The following GBP7 variants were observed in gnomAD, a reference collection of about 807,000 sequenced individuals.
GBP7 encodes the protein guanylate-binding protein 7.
Under a neutral mutation model 61.3 loss-of-function variants are expected in GBP7, and 43 were observed. The observed-to-expected ratio is 0.70, with a 90% CI of 0.55 to 0.91. The LOEUF (loss-of-function observed/expected upper bound fraction) is 0.91, where lower values mean the gene tolerates loss of function less well. Among genes scored for constraint, GBP7 ranks in the 40% least tolerant of loss-of-function variants. GBP7 has a pLI of 0.00. For missense variants in GBP7, 717 were observed against 740.5 expected, an observed-to-expected ratio of 0.97 and a Z score of 0.37; for synonymous variants, 267 against 271.0, an observed-to-expected ratio of 0.99 and a Z score of 0.14.
intron 9 of GBP7, among the ~76,000 whole-genome samples, chr1:89,137,339 A>G (rs1681829682): frequency 6.6e-6 from 1 of 152,198 alleles, no homozygotes; most frequent in Admixed American, 6.5e-5. Flanking sequence ...AAAACCTGGC[A>G]GAGACACAAC....
At chr1:89,156,640 TCAA>T (rs1682321983) in intron 3 of GBP7, among the ~76,000 whole-genome samples, 1 of 152,112 alleles carries the variant, frequency 6.6e-6, no homozygotes, top group African/African-American at 2.4e-5. Context: ...AGGGATCAAT[TCAA>T]CAACAAGAGC....
At chr1:89,165,419 G>A (rs1647396964) in intron 2 of GBP7, among the ~76,000 whole-genome samples, 2 of 151,038 alleles carry the variant, frequency 1.3e-5, no homozygotes, top group South Asian at 4.2e-4. Context: ...GGAGTCGCTT[G>A]AAACCAGGAG....
rs1681952150 is a variant in GBP7, at chr1:89,141,619, C to T, written c.1395G>A (p.Gln465=). ...KADEVLQSFL[Q]SQVVIEESIL... ...TGGATTCCTCTATAACCACCTGTGA[C>T]TGCAGGAAGCTCTGGAGGACCTCGT... The change falls in exon 9 of 11, where the codon CAG becomes CAA. Residue 465 remains glutamine (Q), a synonymous_variant. Coordinates refer to ENST00000294671, the MANE Select transcript of GBP7 (RefSeq NM_207398.3). 2 of 1,613,724 alleles carry T rather than the reference C, an allele frequency of 1.2e-6. No homozygotes were observed. Among genetic ancestry groups the T allele is most frequent in the Non-Finnish European group, 1.7e-6 (2 of 1,179,814 alleles).
chr1:89,138,036 A>G (rs1251322824), intron 9 of GBP7, among the ~76,000 whole-genome samples: 3 of 151,996 alleles, frequency 2.0e-5, no homozygotes, highest in African/African-American at 4.8e-5. Context: ...CGAGAACACA[A>G]TCCTATTCAC....
At chr1:89,150,194 A>G (rs1046394623) in intron 6 of GBP7, 136 bp downstream of exon 6, 38 of 785,454 alleles carry the variant, frequency 4.8e-5, no homozygotes, top group Non-Finnish European at 6.5e-5. Context: ...TCACTGAGAA[A>G]AAATCCTTCA....
At chr1:89,158,681 C>T (rs1206900456) in intron 3 of GBP7, among the ~76,000 whole-genome samples, 1 of 152,150 alleles carries the variant, frequency 6.6e-6, no homozygotes, top group East Asian at 1.9e-4. Flanking sequence ...TCAAGGAGAA[C>T]TACAAACCTC....
chr1:89,153,468 ATG>A (rs1682249210), intron 3 of GBP7, among the ~76,000 whole-genome samples: 1 of 152,244 alleles, frequency 6.6e-6, no homozygotes, highest in Non-Finnish European at 1.5e-5. Context: ...CATAGTAAGT[ATG>A]TAGTAATTAG....
chr1:89,147,897 G>A, intron 7 of GBP7, 118 bp from the exon 8 acceptor site: 1 of 991,146 alleles, frequency 1.0e-6, no homozygotes, highest in Non-Finnish European at 1.5e-6. Context: ...TTACGGTGTA[G>A]ACTAAGAGTC....
chr1:89,170,185 TA>T (rs1371151479), intron 2 of GBP7, among the ~76,000 whole-genome samples: 1 of 152,190 alleles, frequency 6.6e-6, no homozygotes, highest in Non-Finnish European at 1.5e-5. Flanking sequence ...TCAATGCCTA[TA>T]AAAAATCTTA....
chr1:89,162,182 A>G (rs1225912412), intron 3 of GBP7, among the ~76,000 whole-genome samples: 1 of 151,942 alleles, frequency 6.6e-6, no homozygotes, highest in Non-Finnish European at 1.5e-5. Context: ...GTAGCCCTGT[A>G]GTATAGTTTG....
chr1:89,143,821 C>T (rs1217199406), intron 8 of GBP7, among the ~76,000 whole-genome samples: 1 of 152,180 alleles, frequency 6.6e-6, no homozygotes, highest in Non-Finnish European at 1.5e-5. Flanking sequence ...AAACACCTCC[C>T]ACGAGGCCCC....
chr1:89,168,283 T>G (rs1351563710), intron 2 of GBP7, among the ~76,000 whole-genome samples: 1 of 152,212 alleles, frequency 6.6e-6, no homozygotes, highest in Non-Finnish European at 1.5e-5. Context: ...AGTTAGGCTC[T>G]CCAGTCAACT....
chr1:89,143,534 CTTTTA>C (rs1366043168), intron 8 of GBP7, among the ~76,000 whole-genome samples: 1 of 151,962 alleles, frequency 6.6e-6, no homozygotes, highest in African/African-American at 2.4e-5. Context: ...TTTTATTTAA[CTTTTA>C]TTTTAAGTTC....
At chr1:89,174,359 T>G (rs909891249) in intron 1 of GBP7, among the ~76,000 whole-genome samples, 1 of 152,184 alleles carries the variant, frequency 6.6e-6, no homozygotes, top group Non-Finnish European at 1.5e-5. Flanking sequence ...CAAGGTTGCA[T>G]TCCCACCAGC....
intron 3 of GBP7, among the ~76,000 whole-genome samples, chr1:89,160,170 T>C (rs1019773349): frequency 1.3e-5 from 2 of 152,112 alleles, no homozygotes; most frequent in Non-Finnish European, 2.9e-5. Context: ...ATGAGATCAC[T>C]TGGACACAGG....
Position 89,150,351 on chromosome 1 carries a change from C to T in GBP7, c.850G>A (p.Gly284Arg). Reference sequence around the variant, plus strand: ...TCACGGTTTCCAGTGACAAGGATTCCCTCTCTCAGGGTCTTGGTCTTTGCA... The same window carrying T: ...TCACGGTTTCCAGTGACAAGGATTCTCTCTCTCAGGGTCTTGGTCTTTGCA... ...THAKTKTLRE[G>R]ILVTGNRLGM... The change falls in exon 6 of 11, where the codon GGA becomes AGA. Residue 284 changes from glycine to arginine, a missense_variant. Transcript: ENST00000294671. 1 of 1,613,324 alleles carries T rather than the reference C, an allele frequency of 6.2e-7. No homozygotes were observed. Among genetic ancestry groups the T allele is most frequent in the Non-Finnish European group, 8.5e-7 (1 of 1,179,324 alleles).
chr1:89,141,491 G>T, intron 9 of GBP7, 55 bp downstream of exon 9: 1 of 1,465,982 alleles, frequency 6.8e-7, no homozygotes, highest in Non-Finnish European at 9.5e-7. Flanking sequence ...TGAACATCAA[G>T]AGAGTGTTGC....
Position 89,132,295 on chromosome 1 carries a change from A to G in GBP7, c.1771T>C (p.Ser591Pro), listed in dbSNP as rs751337694. The change falls in exon 11 of 11, where the codon TCA (serine) becomes CCA (proline). Residue 591 changes from serine to proline, a missense_variant. Ser to Pro is a moderately conservative substitution (Grantham distance 74). Around this residue, in one of 3 missense-constraint regions of GBP7, gnomAD observed 312 missense variants for 310.1 expected, o/e 1.01. Coordinates refer to ENST00000294671, the MANE Select transcript of GBP7 (RefSeq NM_207398.3). ...ACATCAAGAATCTGTGAAAACACTG[A>G]GGGCTCTTCATTTTCAGCTGCTTCA... ...QIEAAENEEP[S>P]VFSQILDVAG... 2 of 1,614,018 alleles carry G rather than the reference A, an allele frequency of 1.2e-6. No homozygotes were observed. The highest frequency in any genetic ancestry group is 3.3e-5 in the Admixed American group (2 of 60,028).
intron 2 of GBP7, among the ~76,000 whole-genome samples, chr1:89,170,631 G>A (rs1647572540): frequency 6.6e-6 from 1 of 152,148 alleles, no homozygotes; most frequent in Non-Finnish European, 1.5e-5. Flanking sequence ...TGCTTTCAGA[G>A]AAAGATCTTG....
Sources: gnomAD v4.1 joint callset for allele counts (sites outside exome capture counted in the v4.1 genomes callset) on GRCh38, gnomAD v4.1.1 for gene constraint, gnomAD v4.1.1 regional missense constraint, MANE v1.5 for transcripts, NCBI Gene and HGNC (gene_info 2026-07-23, HGNC 2026-07-21) for gene names.